MAPRE2: variants seen among roughly 807,000 people sequenced by gnomAD.
MAPRE2 encodes the protein microtubule associated protein RP/EB family member 2, also known as microtubule-associated protein RP/EB family member 2.
A neutral mutation model predicts 43.2 loss-of-function variants in MAPRE2; 13 were observed. The observed-to-expected ratio is 0.30, with a 90% CI of 0.20 to 0.48. MAPRE2 has a LOEUF of 0.48. Among genes scored for constraint, MAPRE2 ranks in the 20% least tolerant of loss-of-function variants. The pLI is 0.99. For synonymous variants in MAPRE2, 135 were observed against 148.8 expected, an observed-to-expected ratio of 0.91 and a Z score of 0.68; for missense variants, 161 against 400.2, an observed-to-expected ratio of 0.40 and a Z score of 5.10.
chr18:34,985,599 CAT>C lies in MAPRE2; in HGVS notation c.-70+8523_-70+8524del, dbSNP rs1477167311. Among the ~76,000 whole-genome samples the C allele has an allele frequency of 3.5e-4, 26 of 73,524 alleles. 1 individual carries two copies. Among genetic ancestry groups the C allele is most frequent in the Non-Finnish European group, 5.4e-4 (22 of 40,502 alleles). 48.2% of individuals were successfully genotyped at this position (73,524 alleles called of 152,430 possible). On this transcript the variant is annotated intron_variant, in intron 1 of 7. Transcript: ENST00000413393. ...ATAAACTATAAACTATAATATATAA[CAT>C]ATGATATATTATAATAATATATAAC...
chr18:35,121,091 T>G (rs960131467), intron 4 of MAPRE2, among the ~76,000 whole-genome samples: 3 of 152,198 alleles, frequency 2.0e-5, no homozygotes, highest in Non-Finnish European at 4.4e-5. Context: ...TATGGCAGAT[T>G]ATGTGAAAAG....
chr18:35,034,061 T>G (rs931534052), intron 2 of MAPRE2, among the ~76,000 whole-genome samples: 1 of 152,052 alleles, frequency 6.6e-6, no homozygotes, highest in Non-Finnish European at 1.5e-5. Context: ...ACCAAGTCAA[T>G]CCTAAGCAAA....
intron 2 of MAPRE2, among the ~76,000 whole-genome samples, chr18:35,016,450 C>T (rs1324890920): frequency 1.3e-5 from 2 of 152,030 alleles, no homozygotes; most frequent in African/African-American, 2.4e-5. Flanking sequence ...TCCCTTTTCT[C>T]GACATCCTTG....
intron 4 of MAPRE2, among the ~76,000 whole-genome samples, chr18:35,114,236 G>T (rs1421624561): frequency 1.3e-5 from 2 of 152,050 alleles, no homozygotes; most frequent in African/African-American, 4.8e-5. Flanking sequence ...GCTGAACCAC[G>T]GTAAATTTCA....
chr18:35,063,114 T>G (rs1399132048), intron 1 of MAPRE2, among the ~76,000 whole-genome samples: 1 of 152,134 alleles, frequency 6.6e-6, no homozygotes, highest in Non-Finnish European at 1.5e-5. Flanking sequence ...TGTTGTTGTT[T>G]TTTTTTTGAG....
At position 35,090,681 on chromosome 18, in the gene MAPRE2, A is replaced by G. The variant is rs187535280; in HGVS notation, c.251-6765A>G. 3.0e-3 allele frequency among the ~76,000 whole-genome samples: 451 copies of G among 150,904 alleles called. 1 individual carries two copies. Among genetic ancestry groups the G allele is most frequent in the African/African-American group, 0.011 (440 of 41,088 alleles). On this transcript the variant is annotated intron_variant, in intron 2 of 6. Coordinates refer to ENST00000300249, the MANE Select transcript of MAPRE2 (RefSeq NM_014268.4). ...TGGGAGGCAGAGGTTGCAGTGAGCC[A>G]AGATTGCGCCACTGCACTCCAGCCT...
intron 3 of MAPRE2, among the ~76,000 whole-genome samples, chr18:35,101,221 A>G (rs923833967): frequency 6.6e-6 from 1 of 152,150 alleles, no homozygotes; most frequent in African/African-American, 2.4e-5. Flanking sequence ...TTCCAAGAAA[A>G]TCAATAATGA....
intron 2 of MAPRE2, among the ~76,000 whole-genome samples, chr18:35,085,499 A>G (rs1907833656): frequency 1.3e-5 from 2 of 152,232 alleles, no homozygotes; most frequent in Non-Finnish European, 2.9e-5. Flanking sequence ...AGAGAAGTAC[A>G]TGGAAGATAG....
At chr18:35,095,685 A>T (rs900162233) in intron 2 of MAPRE2, among the ~76,000 whole-genome samples, 3 of 152,180 alleles carry the variant, frequency 2.0e-5, no homozygotes, top group Non-Finnish European at 4.4e-5. Context: ...GTAATGAGGC[A>T]GTTGTGTTTC....
chr18:34,981,862 TTA>T (rs1336199341), intron 1 of MAPRE2, among the ~76,000 whole-genome samples: 4 of 81,446 alleles, frequency 4.9e-5, no homozygotes, highest in Non-Finnish European at 8.6e-5. Context: ...GCGACTTTAT[TTA>T]TTTTTTTTTT....
At chr18:35,039,184 G>C (rs369551723), upstream of MAPRE2, among the ~76,000 whole-genome samples, 1 of 152,242 alleles carries the variant, frequency 6.6e-6, no homozygotes, top group Non-Finnish European at 1.5e-5. Context: ...ATACTCTGAG[G>C]ACATTAAATA....
chr18:35,118,161 T>TC (rs547914734), intron 4 of MAPRE2, among the ~76,000 whole-genome samples: 70 of 152,066 alleles, frequency 4.6e-4, no homozygotes, highest in African/African-American at 1.5e-3. Flanking sequence ...AGACCACAAG[T>TC]CAGCGAAGAG....
chr18:35,072,825 A>T (rs897743006), intron 2 of MAPRE2, among the ~76,000 whole-genome samples: 45 of 152,216 alleles, frequency 3.0e-4, no homozygotes, highest in African/African-American at 1.1e-3. Flanking sequence ...AAACAGATAC[A>T]CATAATTACC....
chr18:35,098,974 A>G (rs1569002913), intron 3 of MAPRE2, among the ~76,000 whole-genome samples: 1 of 152,230 alleles, frequency 6.6e-6, no homozygotes, highest in Non-Finnish European at 1.5e-5. Flanking sequence ...GACAGCATTA[A>G]GTACCCTCAT....
At chr18:35,093,832 A>G (rs1393534297) in intron 2 of MAPRE2, among the ~76,000 whole-genome samples, 1 of 152,188 alleles carries the variant, frequency 6.6e-6, no homozygotes, top group African/African-American at 2.4e-5. Context: ...GGTAGGAGGA[A>G]TAAGCTCTGG....
At chr18:35,063,012 G>A (rs184879045) in intron 1 of MAPRE2, among the ~76,000 whole-genome samples, 18 of 152,270 alleles carry the variant, frequency 1.2e-4, no homozygotes, top group African/African-American at 3.9e-4. Flanking sequence ...AAGAAAGACA[G>A]TCACACATAT....
intron 2 of MAPRE2, among the ~76,000 whole-genome samples, chr18:35,020,427 A>G (rs972007361): frequency 2.7e-4 from 41 of 152,174 alleles, no homozygotes; most frequent in African/African-American, 9.4e-4. Context: ...GGTGAGTGCC[A>G]TGTTCAAACC....
chr18:35,092,168 C>G (rs559036754), intron 2 of MAPRE2, among the ~76,000 whole-genome samples: 5 of 152,214 alleles, frequency 3.3e-5, no homozygotes, highest in Admixed American at 2.0e-4. Flanking sequence ...CCCCATGACC[C>G]AGTCACCTCC....
At chr18:35,043,689 A>G (rs1229485654) in intron 1 of MAPRE2, among the ~76,000 whole-genome samples, 1 of 152,212 alleles carries the variant, frequency 6.6e-6, no homozygotes, top group African/African-American at 2.4e-5. Context: ...TTTGTATTTG[A>G]TATAATAGGA....
Sources: gnomAD v4.1 joint callset for allele counts (sites outside exome capture counted in the v4.1 genomes callset) on GRCh38, gnomAD v4.1.1 for gene constraint, MANE v1.5 for transcripts, NCBI Gene and HGNC (gene_info 2026-07-23, HGNC 2026-07-21) for gene names.